LRP1B: variants seen among roughly 807,000 people sequenced by gnomAD.
LRP1B encodes low-density lipoprotein receptor-related protein 1B.
Under a neutral mutation model 556.6 loss-of-function variants are expected in LRP1B, and 217 were observed. That is an observed-to-expected ratio of 0.39 (90% confidence interval 0.35 to 0.44). The LOEUF (loss-of-function observed/expected upper bound fraction) is 0.44, where lower values mean the gene tolerates loss of function less well. Among genes scored for constraint, LRP1B ranks in the 20% least tolerant of loss-of-function variants. LRP1B has a pLI of 1.00. For synonymous variants in LRP1B, 2,047 were observed against 1,865.8 expected (o/e 1.10, Z -2.50); for missense variants, 5,053 against 5,620.8 (o/e 0.90, Z 3.23).
chr2:141,728,342 G>A (rs541261382), intron 2 of LRP1B, among the ~76,000 whole-genome samples: 2 of 147,962 alleles, frequency 1.4e-5, no homozygotes, highest in African/African-American at 2.4e-5. Context: ...CAGAGCAGCC[G>A]TGCCTCCCTT....
intron 3 of LRP1B, among the ~76,000 whole-genome samples, chr2:141,397,488 A>G (rs1318721997): frequency 1.3e-5 from 2 of 152,032 alleles, no homozygotes; most frequent in Non-Finnish European, 2.9e-5. Context: ...AAAAAACACA[A>G]TATTATTTTT....
At chr2:141,575,587 C>T (rs910774120) in intron 2 of LRP1B, among the ~76,000 whole-genome samples, 4 of 151,980 alleles carry the variant, frequency 2.6e-5, no homozygotes, top group South Asian at 2.1e-4. Context: ...CAACAAAAGC[C>T]AAAATTTACA....
At chr2:140,301,234 A>G (rs1683805982) in intron 83 of LRP1B, among the ~76,000 whole-genome samples, 1 of 152,018 alleles carries the variant, frequency 6.6e-6, no homozygotes, top group African/African-American at 2.4e-5. Context: ...CAAACAAACC[A>G]AAAAGCAAAT....
chr2:141,328,046 A>C (rs1364904240), intron 3 of LRP1B, among the ~76,000 whole-genome samples: 1 of 152,076 alleles, frequency 6.6e-6, no homozygotes, highest in Non-Finnish European at 1.5e-5. Flanking sequence ...GAATCTAAAT[A>C]AAAAAAAGAA....
intron 62 of LRP1B, among the ~76,000 whole-genome samples, chr2:140,454,556 G>T (rs1170720324): frequency 6.6e-6 from 1 of 152,044 alleles, no homozygotes; most frequent in Non-Finnish European, 1.5e-5. Flanking sequence ...GGATTTGTTT[G>T]TTCTGTCTTG....
intron 2 of LRP1B, among the ~76,000 whole-genome samples, chr2:141,520,548 T>C (rs988546849): frequency 2.0e-5 from 3 of 152,114 alleles, no homozygotes; most frequent in African/African-American, 7.2e-5. Flanking sequence ...AATCCTGGGT[T>C]TGGTTCCAGA....
At chr2:141,445,115 G>T (rs1681138309) in intron 3 of LRP1B, among the ~76,000 whole-genome samples, 1 of 152,134 alleles carries the variant, frequency 6.6e-6, no homozygotes, top group African/African-American at 2.4e-5. Flanking sequence ...ATTTGGTATT[G>T]GTCTATTCAG....
intron 23 of LRP1B, among the ~76,000 whole-genome samples, chr2:140,895,694 C>T (rs1693934387): frequency 6.6e-6 from 1 of 152,058 alleles, no homozygotes; most frequent in African/African-American, 2.4e-5. Flanking sequence ...ATGGTAAATG[C>T]AGGGGATTTT....
chr2:141,742,263 T>G (rs1392066074), intron 2 of LRP1B, among the ~76,000 whole-genome samples: 2 of 151,350 alleles, frequency 1.3e-5, no homozygotes, highest in Non-Finnish European at 2.9e-5. Flanking sequence ...TTCTTTTTTT[T>G]TTTTTTGAGA....
chr2:140,983,485 T>A (rs981745900), intron 17 of LRP1B, among the ~76,000 whole-genome samples: 6 of 152,042 alleles, frequency 3.9e-5, no homozygotes, highest in African/African-American at 1.4e-4. Flanking sequence ...TAAGAAAGAG[T>A]GGAGCAAAGC....
At chr2:141,566,613 A>G (rs1238064841) in intron 2 of LRP1B, among the ~76,000 whole-genome samples, 1 of 152,124 alleles carries the variant, frequency 6.6e-6, no homozygotes, top group Non-Finnish European at 1.5e-5. Flanking sequence ...TAAATATAAA[A>G]TCTCCAACCT....
Position 140,571,351 on chromosome 2 carries a change from T to G in LRP1B, c.7194+27280A>C, listed in dbSNP as rs752935198. ...GATTAAAATACAAAAAATGGTAACA[T>G]TTCTATACACCAACAACAAGCTAAC... is the stretch of plus-strand genomic sequence containing the variant. On this transcript the variant is annotated intron_variant, in intron 43 of 90. Transcript: ENST00000389484. Among the ~76,000 whole-genome samples, 5 of 151,760 alleles carry G rather than the reference T, an allele frequency of 3.3e-5. No homozygotes were observed. The South Asian group carries it at 1.0e-3, about 31-fold the overall frequency.
chr2:141,673,609 G>A (rs964152328), intron 2 of LRP1B, among the ~76,000 whole-genome samples: 7 of 152,054 alleles, frequency 4.6e-5, no homozygotes, highest in African/African-American at 7.2e-5. Flanking sequence ...AACAATGTGA[G>A]AACATTTTTT....
At chr2:141,286,924 C>T (rs569473151) in intron 3 of LRP1B, 57 of 223,466 alleles carry the variant, frequency 2.6e-4, no homozygotes, top group Non-Finnish European at 1.2e-4. Flanking sequence ...CTACTGAGGA[C>T]TTGAAATGAG....
intron 35 of LRP1B, among the ~76,000 whole-genome samples, chr2:140,759,055 TC>T (rs1215998564): frequency 6.6e-6 from 1 of 152,122 alleles, no homozygotes; most frequent in Non-Finnish European, 1.5e-5. Context: ...TTTGTTTTTT[TC>T]CCCTGAAGAA....
chr2:141,310,503 A>AT, intron 3 of LRP1B, among the ~76,000 whole-genome samples: 1 of 152,290 alleles, frequency 6.6e-6, no homozygotes, highest in Middle Eastern at 3.4e-3. Flanking sequence ...TTATGTGATG[A>AT]TTGGAGAGAT....
chr2:141,146,867 T>C (rs1424352987), intron 7 of LRP1B, among the ~76,000 whole-genome samples: 2 of 152,292 alleles, frequency 1.3e-5, no homozygotes, highest in East Asian at 3.9e-4. Context: ...AAAGACGAGC[T>C]GTGCTGGTTT....
intron 7 of LRP1B, among the ~76,000 whole-genome samples, chr2:141,080,658 C>A (rs1165547190): frequency 6.6e-6 from 1 of 152,114 alleles, no homozygotes; most frequent in Non-Finnish European, 1.5e-5. Flanking sequence ...ATGGTGCATA[C>A]AAAAGACACC....
intron 35 of LRP1B, among the ~76,000 whole-genome samples, chr2:140,748,345 TATTC>T (rs1401460072): frequency 1.6e-5 from 2 of 126,942 alleles, no homozygotes; most frequent in Non-Finnish European, 3.2e-5. Flanking sequence ...TCATATATTA[TATTC>T]ATATATAATA....
Sources: gnomAD v4.1 joint callset for allele counts (sites outside exome capture counted in the v4.1 genomes callset) on GRCh38, gnomAD v4.1.1 for gene constraint, MANE v1.5 for transcripts, NCBI Gene and HGNC (gene_info 2026-07-23, HGNC 2026-07-21) for gene names.